Variants in C11orf52 observed in about 807,000 individuals in gnomAD.
The protein encoded by C11orf52 is chromosome 11 open reading frame 52.
Under a neutral mutation model 11.7 loss-of-function variants are expected in C11orf52, and 9 were observed. The ratio of observed to expected loss-of-function variants is 0.77; its 90% confidence interval spans 0.46 to 1.34. C11orf52 has a LOEUF of 1.34. C11orf52 is among the 40% of genes most tolerant of loss of function. The pLI is 0.00. For missense variants in C11orf52, 139 were observed against 154.8 expected (o/e 0.90, Z 0.54); for synonymous variants, 49 against 57.4 (o/e 0.85, Z 0.66).
At chr11:111,925,749 C>T in intron 3 of C11orf52, 35 bp downstream of exon 3, 1 of 1,610,760 alleles carries the variant, frequency 6.2e-7, no homozygotes, top group Non-Finnish European at 8.5e-7. Flanking sequence ...TCTGGGGCTG[C>T]TCGGACATGG....
At position 111,924,435 on chromosome 11, in the gene C11orf52, A is replaced by T. The variant is rs1192567093; in HGVS notation, c.70+72A>T. 5 of 1,312,204 alleles carry T rather than the reference A, an allele frequency of 3.8e-6. No homozygotes were observed. In the South Asian group the frequency reaches 4.8e-5, roughly 13 times the overall value. The allele number at this position is 1,312,204 out of a possible 1,614,324, so 81.3% of individuals were successfully genotyped here. A position where few individuals can be genotyped will look rare whatever the true frequency, so the allele number is the denominator to read the frequency against. On this transcript the variant is annotated intron_variant, in intron 2 of 3. Transcript: ENST00000278601. ...AAGACAATAGAACTCCAATCTTTGG[A>T]AAGGGCAGAAGGGTAGAAAAGGAAT...
intron 1 of C11orf52, chr11:111,919,283 G>A: frequency 2.4e-6 from 1 of 414,134 alleles, no homozygotes; most frequent in South Asian, 3.1e-5. Flanking sequence ...GACCATCCTA[G>A]CCAACATGGT....
intron 1 of C11orf52, among the ~76,000 whole-genome samples, chr11:111,921,293 A>G (rs1264530139): frequency 2.0e-5 from 3 of 152,350 alleles, no homozygotes; most frequent in African/African-American, 7.2e-5. Context: ...TAGACACAGA[A>G]GACATAGTAA....
At chr11:111,924,175 T>G in intron 1 of C11orf52, 151 bp from the exon 2 acceptor site, 1 of 710,428 alleles carries the variant, frequency 1.4e-6, no homozygotes, top group Non-Finnish European at 2.4e-6. Context: ...GACTAATGTT[T>G]TGGGACTGAA....
intron 1 of C11orf52, among the ~76,000 whole-genome samples, chr11:111,921,838 A>AT (rs34183951): frequency 0.019 from 2,866 of 148,164 alleles, 42 homozygotes; most frequent in Middle Eastern, 0.063. Flanking sequence ...TATCATACTC[A>AT]TTTTTTTTTT....
At chr11:111,920,639 T>C (rs1965680695) in intron 1 of C11orf52, among the ~76,000 whole-genome samples, 2 of 150,888 alleles carry the variant, frequency 1.3e-5, no homozygotes. Context: ...TGGTGCGTGC[T>C]TGTAATCCCA....
At chr11:111,923,167 A>G (rs1404901420) in intron 1 of C11orf52, among the ~76,000 whole-genome samples, 1 of 152,248 alleles carries the variant, frequency 6.6e-6, no homozygotes, top group African/African-American at 2.4e-5. Context: ...TCTTAGGATA[A>G]GGCTGACTGA....
chr11:111,918,947 C>T lies in C11orf52; in HGVS notation c.-26C>T. 1 of 1,614,122 alleles carries T rather than the reference C, an allele frequency of 6.2e-7. No homozygotes were observed. The highest frequency in any genetic ancestry group is 1.1e-5 in the South Asian group (1 of 91,064). The stretch of plus-strand genomic sequence containing the variant: ...CAAGCCTCTTGATGCATAAAAACAG[C>T]TGGGCTCCCTTGGAGACAGAGCGCC... On this transcript the variant is annotated 5_prime_UTR_variant, in exon 1 of 4. Transcript: ENST00000278601.
chr11:111,919,318 C>G (rs1478178223), intron 1 of C11orf52: 16 of 298,126 alleles, frequency 5.4e-5, no homozygotes, highest in Non-Finnish European at 8.5e-5. Context: ...ACTGAAAATA[C>G]AAAAATTAGC....
chr11:111,925,499 G>A (rs1325986891), intron 2 of C11orf52, among the ~76,000 whole-genome samples, 154 bp from the exon 3 acceptor site: 1 of 152,186 alleles, frequency 6.6e-6, no homozygotes, highest in Non-Finnish European at 1.5e-5. Flanking sequence ...TAAGGAGTTT[G>A]GATTTAGCAC....
In C11orf52 at chr11:111,926,508, G is replaced by T; in HGVS notation, c.*309G>T. ...ATTGTTGCTCCTGCTCTTGCAAAGT[G>T]CAGAAAGAGCAGGTAAAAAGTTAGC... On this transcript the variant is annotated 3_prime_UTR_variant, in exon 4 of 4. Transcript: ENST00000278601. The T allele has an allele frequency of 2.5e-6, 1 of 405,082 alleles. No individual in the cohort carries two copies. Among genetic ancestry groups the T allele is most frequent in the South Asian group, 3.2e-5 (1 of 31,304 alleles). 25.1% of individuals were successfully genotyped at this position (405,082 alleles called of 1,614,324 possible).
At chr11:111,922,960 T>C (rs1324051877) in intron 1 of C11orf52, among the ~76,000 whole-genome samples, 2 of 152,254 alleles carry the variant, frequency 1.3e-5, no homozygotes, top group African/African-American at 4.8e-5. Flanking sequence ...ATCGCCTGTG[T>C]ATCTAAATGA....
chr11:111,926,320 C>A lies in C11orf52; in HGVS notation c.*121C>A. On this transcript the variant is annotated 3_prime_UTR_variant, in exon 4 of 4. Transcript: ENST00000278601. ...TCCACGTTTTAAGCTTAAAGAACTC[C>A]AAAGCCCCTGGAATTGTGGGCGTCC... The A allele has an allele frequency of 2.1e-6, 3 of 1,446,016 alleles. No individual in the cohort carries two copies. Among genetic ancestry groups the A allele is most frequent in the Non-Finnish European group, 1.9e-6 (2 of 1,073,434 alleles). The allele number at this position is 1,446,016 out of a possible 1,614,324, so 89.6% of individuals were successfully genotyped here.
chr11:111,926,159 C>G lies in C11orf52; in HGVS notation c.332C>G (p.Ala111Gly). 6.2e-7 allele frequency: 1 copy of G among 1,614,250 alleles called. No individual in the cohort carries two copies. Among genetic ancestry groups the G allele is most frequent in the Non-Finnish European group, 8.5e-7 (1 of 1,180,048 alleles). The change falls in exon 4 of 4, where the codon GCC (alanine) becomes GGC (glycine). Residue 111 changes from alanine to glycine, a missense_variant. Transcript: ENST00000278601. ...TEYATLRFPQ[A>G]TPRYDSKNGT... ...TATGCGACCCTTCGCTTCCCCCAGG[C>G]CACACCTCGCTATGACAGCAAGAAC...
At chr11:111,924,847 G>GTA (rs1181190409) in intron 2 of C11orf52, among the ~76,000 whole-genome samples, 1 of 152,204 alleles carries the variant, frequency 6.6e-6, no homozygotes, top group Non-Finnish European at 1.5e-5. Flanking sequence ...AAAGGGCCAG[G>GTA]CGTAGTGCCT....
intron 1 of C11orf52, chr11:111,923,614 C>A (rs1555166707): frequency 6.6e-6 from 1 of 152,222 alleles, no homozygotes; most frequent in South Asian, 2.1e-4. Context: ...ATCACGTAGA[C>A]ACACGGGCGC....
In C11orf52 at chr11:111,925,702, G is replaced by A. The variant is rs782571383; in HGVS notation, c.120G>A (p.Gln40=). 1 of 1,614,230 alleles carries A rather than the reference G, an allele frequency of 6.2e-7. No homozygotes were observed. The highest frequency in any genetic ancestry group is 2.2e-5 in the East Asian group (1 of 44,884). ...AGCCGCAGCCACAACAGCTGCAGCA[G>A]AATCTCCCAAAGGTAATGACAGGTC... ...TLKPQPQQLQ[Q]NLPKGHETTG... The change falls in exon 3 of 4, where the codon CAG becomes CAA. Residue 40 remains glutamine (Q), a synonymous_variant. Coordinates refer to ENST00000278601, the MANE Select transcript of C11orf52 (RefSeq NM_080659.3).
chr11:111,920,341 G>A (rs1335465398), intron 1 of C11orf52, among the ~76,000 whole-genome samples: 1 of 151,830 alleles, frequency 6.6e-6, no homozygotes, highest in African/African-American at 2.4e-5. Context: ...TTCAAGACCA[G>A]CCTGGCCAAC....
At chr11:111,922,005 G>A (rs782251821) in intron 1 of C11orf52, among the ~76,000 whole-genome samples, 1 of 152,118 alleles carries the variant, frequency 6.6e-6, no homozygotes, top group African/African-American at 2.4e-5. Flanking sequence ...GCTAATTTTT[G>A]TATTTTTAGC....
Sources: allele counts gnomAD v4.1 joint callset (sites outside exome capture counted in the v4.1 genomes callset), GRCh38; gene constraint gnomAD v4.1.1; transcripts MANE v1.5; gene names NCBI Gene and HGNC (gene_info 2026-07-23, HGNC 2026-07-21).